The following MTHFD2L variants were observed in gnomAD, a reference collection of about 807,000 sequenced individuals.
The protein encoded by MTHFD2L is methylenetetrahydrofolate dehydrogenase (NADP+ dependent) 2 like, also known as bifunctional methylenetetrahydrofolate dehydrogenase/cyclohydrolase 2, mitochondrial.
A neutral mutation model predicts 34.9 loss-of-function variants in MTHFD2L; 29 were observed. That is an observed-to-expected ratio of 0.83 (90% CI 0.62 to 1.13). The LOEUF is 1.13. Among genes scored for constraint, MTHFD2L ranks in the 50% most tolerant of loss-of-function variants. MTHFD2L has a pLI of 0.00. For synonymous variants in MTHFD2L, 167 were observed against 155.7 expected, an observed-to-expected ratio of 1.07 and a Z score of -0.54; for missense variants, 481 against 446.5, an observed-to-expected ratio of 1.08 and a Z score of -0.70.
rs776974524 is a variant in MTHFD2L at position 74,158,143 on chromosome 4, C to A, written c.5C>A (p.Thr2Lys). The A allele has an allele frequency of 6.5e-6, 10 of 1,529,944 alleles. No individual in the cohort carries two copies. Among genetic ancestry groups the A allele is most frequent in the South Asian group, 4.9e-5 (4 of 82,244 alleles). 94.8% of individuals were successfully genotyped at this position (1,529,944 alleles called of 1,614,324 possible). Residue 2 changes from threonine (T) to lysine (K), a missense_variant, in exon 1 of 8, where the codon ACG becomes AAG. Physicochemically the swap from Thr to Lys is moderately conservative, Grantham distance 78 (BLOSUM62 -1). Coordinates refer to ENST00000325278, the MANE Select transcript of MTHFD2L (RefSeq NM_001144978.3). M[T>K]VPVRGFSLLR... ...GGAAGCCGGGGATCCGCGGCCATGACGGTGCCGGTCCGCGGCTTCTCGCTG... is the reference window on the plus strand; with the variant it reads ...GGAAGCCGGGGATCCGCGGCCATGAAGGTGCCGGTCCGCGGCTTCTCGCTG...
At chr4:74,290,209 C>G (rs967193256) in intron 7 of MTHFD2L, among the ~76,000 whole-genome samples, 2 of 152,150 alleles carry the variant, frequency 1.3e-5, no homozygotes, top group Admixed American at 6.5e-5. Context: ...ACCCAATAGT[C>G]AAGCATAAGG....
chr4:74,204,869 A>G (rs1033171077), intron 5 of MTHFD2L, among the ~76,000 whole-genome samples: 2 of 152,182 alleles, frequency 1.3e-5, no homozygotes, highest in Non-Finnish European at 2.9e-5. Context: ...ACACAAATTG[A>G]TGGTGGCAGT....
rs762889030 is a variant in MTHFD2L, at chr4:74,302,944, T to C, written c.*1135T>C. ...TAAAGCTATTAATTGATACTGTGTT[T>C]TTATGCCCAAATCCCAGTATGTTTA... On this transcript the variant is annotated 3_prime_UTR_variant, in exon 8 of 8. Coordinates refer to ENST00000325278, the MANE Select transcript of MTHFD2L (RefSeq NM_001144978.3). 3 of 152,124 alleles carry C rather than the reference T, an allele frequency of 2.0e-5. No homozygotes were observed. The highest frequency in any genetic ancestry group is 6.6e-5 in the Admixed American group (1 of 15,252). The allele number at this position is 152,124 out of a possible 1,614,324, so 9.4% of individuals were successfully genotyped here.
rs1178644490 is a variant in MTHFD2L at position 74,199,817 on chromosome 4, T to A, written c.475T>A (p.Cys159Ser). ...AGACCACGTTGATGAGCGAACAATA[T>A]GCAATGGAATTGCCCCAGAAAAAGA... ...LPDHVDERTI[C>S]NGIAPEKDVD... Residue 159 changes from cysteine (C) to serine (S), a missense_variant, in exon 4 of 8, where the codon TGC becomes AGC. Physicochemically the swap from Cys to Ser is moderately radical, Grantham distance 112. Coordinates refer to ENST00000325278, the MANE Select transcript of MTHFD2L (RefSeq NM_001144978.3). The A allele has an allele frequency of 1.9e-6, 3 of 1,612,848 alleles. No homozygotes were observed. Among genetic ancestry groups the A allele is most frequent in the Admixed American group, 1.7e-5 (1 of 59,936 alleles).
chr4:74,231,918 A>G (rs1740125230), intron 6 of MTHFD2L, among the ~76,000 whole-genome samples: 1 of 152,216 alleles, frequency 6.6e-6, no homozygotes. Context: ...ACTTCTCAAA[A>G]AAAAACCTTT....
At chr4:74,295,444 A>G (rs1235700734) in intron 7 of MTHFD2L, among the ~76,000 whole-genome samples, 5 of 152,240 alleles carry the variant, frequency 3.3e-5, no homozygotes, top group South Asian at 2.1e-4. Flanking sequence ...AGGTACTCCC[A>G]TAAGTGCCTG....
At position 74,302,161 on chromosome 4, in the gene MTHFD2L, C is replaced by G. The variant is rs2110340494; in HGVS notation, c.*352C>G. 6.2e-6 allele frequency: 1 copy of G among 162,568 alleles called. No homozygotes were observed. The highest frequency in any genetic ancestry group is 1.7e-4 in the East Asian group (1 of 5,820). The allele number at this position is 162,568 out of a possible 1,614,324, so 10.1% of individuals were successfully genotyped here. On this transcript the variant is annotated 3_prime_UTR_variant, in exon 8 of 8. Transcript: ENST00000325278. Reference sequence around the variant, plus strand: ...TGTTTACAACAAATATCCTGTCAGCCAAATGGTTACCCATATAAAATGTAA... The same window carrying G: ...TGTTTACAACAAATATCCTGTCAGCGAAATGGTTACCCATATAAAATGTAA...
chr4:74,152,286 A>G (rs1338631722), intron 1 of MTHFD2L, among the ~76,000 whole-genome samples: 3 of 152,132 alleles, frequency 2.0e-5, no homozygotes, highest in African/African-American at 7.2e-5. Flanking sequence ...GGGCATAAAA[A>G]AACTCTGCTT....
chr4:74,271,876 G>C (rs1746039972), intron 6 of MTHFD2L, among the ~76,000 whole-genome samples: 1 of 145,750 alleles, frequency 6.9e-6, no homozygotes, highest in African/African-American at 2.4e-5. Flanking sequence ...TCCTTGAAGA[G>C]GTCTTTCACA....
upstream of MTHFD2L, among the ~76,000 whole-genome samples, chr4:74,124,917 G>A (rs756840442): frequency 2.0e-5 from 3 of 151,928 alleles, no homozygotes; most frequent in Admixed American, 6.6e-5. Flanking sequence ...TTTAGGTGCT[G>A]AGAGTACAAT....
intron 6 of MTHFD2L, among the ~76,000 whole-genome samples, chr4:74,235,781 A>T (rs1290163781): frequency 6.6e-6 from 1 of 152,056 alleles, no homozygotes; most frequent in Non-Finnish European, 1.5e-5. Flanking sequence ...ACTTCAATTG[A>T]TCGTATAAGA....
chr4:74,141,460 C>G (rs1395071862), intron 1 of MTHFD2L, among the ~76,000 whole-genome samples: 1 of 152,218 alleles, frequency 6.6e-6, no homozygotes, highest in Admixed American at 6.5e-5. Context: ...TGAGTTTAAT[C>G]TGTCTCCTCC....
chr4:74,258,821 T>C (rs968266821), intron 6 of MTHFD2L, among the ~76,000 whole-genome samples: 1 of 152,176 alleles, frequency 6.6e-6, no homozygotes, highest in Non-Finnish European at 1.5e-5. Flanking sequence ...TGCAGAACAA[T>C]ATTTTTTATT....
chr4:74,251,638 C>G (rs185432130), intron 6 of MTHFD2L, among the ~76,000 whole-genome samples: 10 of 151,946 alleles, frequency 6.6e-5, no homozygotes, highest in Admixed American at 6.6e-4. Flanking sequence ...GCCTGAAAAA[C>G]ATGCCCTCAC....
At chr4:74,273,025 G>T (rs1270431108) in intron 6 of MTHFD2L, among the ~76,000 whole-genome samples, 1 of 152,094 alleles carries the variant, frequency 6.6e-6, no homozygotes, top group Non-Finnish European at 1.5e-5. Flanking sequence ...ATGCAATTAG[G>T]AATCTTTGTA....
intron 6 of MTHFD2L, among the ~76,000 whole-genome samples, chr4:74,237,619 AAAG>A (rs986783345): frequency 3.9e-5 from 6 of 152,294 alleles, no homozygotes; most frequent in East Asian, 1.9e-4. Flanking sequence ...GTCTGAAAAA[AAAG>A]AAGAAGTCAA....
At chr4:74,134,272 G>A (rs181814887) in intron 1 of MTHFD2L, among the ~76,000 whole-genome samples, 35 of 152,280 alleles carry the variant, frequency 2.3e-4, no homozygotes, top group Non-Finnish European at 4.6e-4. Context: ...CAAAGGAGAT[G>A]CCAAATCAGT....
chr4:74,141,943 GA>G (rs1272115655), intron 1 of MTHFD2L, among the ~76,000 whole-genome samples: 13 of 151,952 alleles, frequency 8.6e-5, no homozygotes. Context: ...CTTTCATTAT[GA>G]AAAAAAATCA....
intron 6 of MTHFD2L, among the ~76,000 whole-genome samples, chr4:74,273,253 T>C (rs1426695753): frequency 6.6e-6 from 1 of 152,112 alleles, no homozygotes; most frequent in African/African-American, 2.4e-5. Context: ...GACAGGGGCT[T>C]AACTTTATAA....
Sources: allele counts gnomAD v4.1 joint callset (sites outside exome capture counted in the v4.1 genomes callset), GRCh38; gene constraint gnomAD v4.1.1; transcripts MANE v1.5; gene names NCBI Gene and HGNC (gene_info 2026-07-23, HGNC 2026-07-21).